The following PDE1A variants were observed in gnomAD, a reference collection of about 807,000 sequenced individuals.
PDE1A encodes dual specificity calcium/calmodulin-dependent 3',5'-cyclic nucleotide phosphodiesterase 1A.
PDE1A carries 35 observed loss-of-function variants against 61.7 expected under a neutral mutation model. The observed-to-expected ratio is 0.57, with a 90% CI of 0.43 to 0.75. PDE1A has a LOEUF of 0.75. Among genes scored for constraint, PDE1A ranks in the 30% least tolerant of loss-of-function variants. PDE1A has a pLI of 0.00. For missense variants in PDE1A, 597 were observed against 630.6 expected (o/e 0.95, Z 0.57); for synonymous variants, 232 against 213.2 (o/e 1.09, Z -0.77).
the PDE1A span, among the ~76,000 whole-genome samples, chr2:182,627,040 ATTATTT>A: frequency 2.0e-4 from 9 of 45,040 alleles, 1 homozygote; most frequent in Admixed American, 5.5e-4. Flanking sequence ...AAATATATAT[ATTATTT>A]ATATATAAAA....
intron 6 of PDE1A, among the ~76,000 whole-genome samples, chr2:182,227,405 T>C (rs1281543198): frequency 6.6e-6 from 1 of 152,066 alleles, no homozygotes; most frequent in Non-Finnish European, 1.5e-5. Flanking sequence ...ATCACATTTA[T>C]TTCTTGATTC....
chr2:182,565,559 C>T, the PDE1A span, among the ~76,000 whole-genome samples: 18 of 152,082 alleles, frequency 1.2e-4, no homozygotes, highest in South Asian at 2.5e-3. Context: ...GATGTGTACA[C>T]GAAAAGCACA....
At chr2:182,272,630 T>A (rs1277585988) in intron 1 of PDE1A, among the ~76,000 whole-genome samples, 1 of 152,098 alleles carries the variant, frequency 6.6e-6, no homozygotes, top group Non-Finnish European at 1.5e-5. Flanking sequence ...ATAAGAGGTA[T>A]GTGTCCATCC....
At chr2:182,610,277 T>C in the PDE1A span, among the ~76,000 whole-genome samples, 1 of 152,224 alleles carries the variant, frequency 6.6e-6, no homozygotes, top group Non-Finnish European at 1.5e-5. Context: ...CCTATATCTT[T>C]GGGTCTTCCT....
At chr2:182,421,080 T>C (rs968600857) in intron 1 of PDE1A, among the ~76,000 whole-genome samples, 2 of 152,190 alleles carry the variant, frequency 1.3e-5, no homozygotes, top group African/African-American at 2.4e-5. Context: ...TCCATCAGTA[T>C]GACTGTTTCT....
chr2:182,479,365 T>C (rs986734090), intron 2 of PDE1A, among the ~76,000 whole-genome samples: 8 of 152,078 alleles, frequency 5.3e-5, no homozygotes, highest in East Asian at 3.9e-4. Flanking sequence ...ATCATAACAA[T>C]TCTTGGATAA....
the PDE1A span, among the ~76,000 whole-genome samples, chr2:182,695,666 C>CAAAAAAAAAAAA: frequency 6.1e-5 from 2 of 32,694 alleles, no homozygotes; most frequent in Non-Finnish European, 1.2e-4. Flanking sequence ...GGCCCTCTCT[C>CAAAAAAAAAAAA]AAAAAAAAAA....
intron 2 of PDE1A, among the ~76,000 whole-genome samples, chr2:182,516,213 A>C (rs1438392824): frequency 6.6e-6 from 1 of 152,114 alleles, no homozygotes; most frequent in African/African-American, 2.4e-5. Context: ...CTCTAGGCAC[A>C]TTCTGTTTTA....
At chr2:182,520,000 T>G (rs1425179052) in intron 2 of PDE1A, among the ~76,000 whole-genome samples, 1 of 151,924 alleles carries the variant, frequency 6.6e-6, no homozygotes, top group Non-Finnish European at 1.5e-5. Context: ...AGAAAACTAT[T>G]GCACAATTGT....
At chr2:182,521,869 T>C (rs968775188) in intron 2 of PDE1A, among the ~76,000 whole-genome samples, 2 of 152,174 alleles carry the variant, frequency 1.3e-5, no homozygotes, top group African/African-American at 2.4e-5. Context: ...AATCATCTCA[T>C]TGCTTTTCCA....
At chr2:182,224,585 A>G (rs1321110961) in intron 6 of PDE1A, among the ~76,000 whole-genome samples, 1 of 151,800 alleles carries the variant, frequency 6.6e-6, no homozygotes, top group Non-Finnish European at 1.5e-5. Flanking sequence ...CTTTACATAC[A>G]TTCATCTTTC....
upstream of PDE1A, among the ~76,000 whole-genome samples, chr2:182,430,223 T>C (rs1038356988): frequency 6.8e-6 from 1 of 147,116 alleles, no homozygotes; most frequent in Non-Finnish European, 1.5e-5. Context: ...AAAGGGCTAA[T>C]ATCCAGAATC....
the PDE1A span, among the ~76,000 whole-genome samples, chr2:182,575,671 G>A: frequency 6.7e-6 from 1 of 148,474 alleles, no homozygotes; most frequent in Admixed American, 6.8e-5. Flanking sequence ...TCCAGGGGAG[G>A]AACGCTGCCA....
chr2:182,224,929 G>A (rs926459047), intron 6 of PDE1A, among the ~76,000 whole-genome samples: 4 of 151,826 alleles, frequency 2.6e-5, no homozygotes, highest in Middle Eastern at 3.4e-3. Flanking sequence ...GTACGAATGC[G>A]GAATCCAAAA....
At chr2:182,572,641 C>T in the PDE1A span, among the ~76,000 whole-genome samples, 5 of 151,922 alleles carry the variant, frequency 3.3e-5, no homozygotes, top group Non-Finnish European at 5.9e-5. Context: ...CCAGCTGAGG[C>T]GGGCGGATCA....
intron 1 of PDE1A, among the ~76,000 whole-genome samples, chr2:182,268,640 C>G (rs1692801473): frequency 6.6e-6 from 1 of 152,196 alleles, no homozygotes; most frequent in East Asian, 1.9e-4. Context: ...GGTGTAGTCA[C>G]TCTTCCTCAA....
the PDE1A span, among the ~76,000 whole-genome samples, chr2:182,659,906 G>T: frequency 6.6e-6 from 1 of 152,172 alleles, no homozygotes; most frequent in Non-Finnish European, 1.5e-5. Flanking sequence ...CTCTAATGCT[G>T]TCATAATTTT....
intron 1 of PDE1A, among the ~76,000 whole-genome samples, chr2:182,300,804 T>G (rs1388643390): frequency 1.3e-5 from 2 of 152,220 alleles, no homozygotes; most frequent in African/African-American, 4.8e-5. Context: ...TCTTGGCTAT[T>G]ACACTTGTTG....
intron 1 of PDE1A, among the ~76,000 whole-genome samples, chr2:182,286,081 T>TAGTATG (rs746281279): frequency 2.6e-5 from 4 of 152,162 alleles, no homozygotes; most frequent in Non-Finnish European, 5.9e-5. Flanking sequence ...CACAATGGCA[T>TAGTATG]AGTATGAGCC....
Sources: gnomAD v4.1 joint callset for allele counts (sites outside exome capture counted in the v4.1 genomes callset) on GRCh38, gnomAD v4.1.1 for gene constraint, MANE v1.5 for transcripts, NCBI Gene and HGNC (gene_info 2026-07-23, HGNC 2026-07-21) for gene names.